TNN: variants seen among roughly 807,000 people sequenced by gnomAD.
TNN encodes the protein tenascin-N.
In TNN, 122 loss-of-function variants were observed where a neutral mutation model predicts 134.4. That is an observed-to-expected ratio of 0.91 (90% CI 0.78 to 1.06). The LOEUF is 1.06. Ranked by LOEUF, TNN falls within the 50% of genes least tolerant of loss-of-function variation. The pLI, the probability that TNN is intolerant of heterozygous loss-of-function variation, is 0.00. For missense variants in TNN, 1,739 were observed against 1,699.4 expected, an observed-to-expected ratio of 1.02 and a Z score of -0.41; for synonymous variants, 710 against 670.3, an observed-to-expected ratio of 1.06 and a Z score of -0.91.
chr1:175,079,935 C>G (rs1381354548), intron 3 of TNN, among the ~76,000 whole-genome samples: 2 of 150,944 alleles, frequency 1.3e-5, no homozygotes, highest in Non-Finnish European at 2.9e-5. Context: ...ACCTTGAGGA[C>G]CACTGGTCTT....
rs180918417 is a variant in TNN, at chr1:175,084,713, T to A, written c.1235-692T>A. 2.4e-3 allele frequency among the ~76,000 whole-genome samples: 366 copies of A among 152,336 alleles called. 3 individuals carry two copies. The highest frequency in any genetic ancestry group is 8.5e-3 in the African/African-American group (355 of 41,574). On this transcript the variant is annotated intron_variant, in intron 5 of 18. Transcript: ENST00000239462. Reference sequence around the variant, plus strand: ...TTTGGGGTTCTTAGTGTTTGTGGAGTGCAGAATGAGGGTGTGTGCCTCACA... The same window carrying A: ...TTTGGGGTTCTTAGTGTTTGTGGAGAGCAGAATGAGGGTGTGTGCCTCACA...
chr1:175,087,802 A>G, intron 6 of TNN, among the ~76,000 whole-genome samples: 1 of 152,252 alleles, frequency 6.6e-6, no homozygotes, highest in South Asian at 2.1e-4. Context: ...TCCCCAGGTT[A>G]GGACCTGTAC....
Position 175,097,554 on chromosome 1 carries a change from G to T in TNN, c.1726G>T (p.Val576Phe). 3 of 1,614,232 alleles carry T rather than the reference G, an allele frequency of 1.9e-6. No homozygotes were observed. Among genetic ancestry groups the T allele is most frequent in the African/African-American group, 2.7e-5 (2 of 75,058 alleles). Residue 576 changes from valine (V) to phenylalanine (F), a missense_variant, in exon 8 of 19, where the codon GTT becomes TTT. Val to Phe is a conservative substitution (Grantham distance 50, BLOSUM62 -1). Transcript: ENST00000239462. ...TGCTGACGACCAAGAGACCAGAGAG[G>T]TTCTGGTGGGGAAGGAGCAGAGCAG... is the stretch of plus-strand genomic sequence containing the variant. ...TSADDQETRE[V>F]LVGKEQSSTV... is the part of the protein sequence containing the mutation.
intron 9 of TNN, among the ~76,000 whole-genome samples, chr1:175,109,161 T>C (rs1674953389): frequency 7.8e-6 from 1 of 128,980 alleles, no homozygotes; most frequent in Admixed American, 8.7e-5. Context: ...CAATCTCGGC[T>C]CACTGCAAGC....
intron 16 of TNN, 109 bp from the exon 17 acceptor site, chr1:175,136,712 G>GCT (rs1675820108): frequency 9.8e-7 from 1 of 1,017,098 alleles, no homozygotes; most frequent in African/African-American, 1.6e-5. Flanking sequence ...TAGCAGAGAA[G>GCT]GTAAAGACTA....
chr1:175,139,304 T>C (rs764044915), intron 17 of TNN, among the ~76,000 whole-genome samples: 5 of 152,262 alleles, frequency 3.3e-5, no homozygotes, highest in Non-Finnish European at 5.9e-5. Flanking sequence ...CATAAGCACA[T>C]TGTGCAGCTG....
intron 6 of TNN, among the ~76,000 whole-genome samples, chr1:175,090,652 A>G (rs576419322): frequency 1.9e-4 from 29 of 152,116 alleles, no homozygotes; most frequent in Non-Finnish European, 3.7e-4. Context: ...TCCCTACCCA[A>G]CTCTGTGGCA....
chr1:175,089,927 C>T lies in TNN; in HGVS notation c.1325-4063C>T, dbSNP rs1674403809. The stretch of plus-strand genomic sequence containing the variant: ...AAAACTTTGGAAACTCCTTCATGTC[C>T]TAGGCTGAGCTCCTGTCACCATTGA... On this transcript the variant is annotated intron_variant, in intron 6 of 18. Transcript: ENST00000239462. Among the ~76,000 whole-genome samples, 4 of 152,140 alleles carry T rather than the reference C, an allele frequency of 2.6e-5. No homozygotes were observed. In the South Asian group the frequency reaches 8.3e-4, roughly 32 times the overall value.
chr1:175,092,629 T>G lies in TNN; in HGVS notation c.1325-1361T>G, dbSNP rs998895715. On this transcript the variant is annotated intron_variant, in intron 6 of 18. Coordinates refer to ENST00000239462, the MANE Select transcript of TNN (RefSeq NM_022093.2). ...AGGACATAGACATATAAAGTGGAAA[T>G]GTATAGTCTTTGTTAGATAAGAATG... 2.0e-4 allele frequency among the ~76,000 whole-genome samples: 30 copies of G among 152,298 alleles called. No individual in the cohort carries two copies. In the South Asian group the frequency reaches 2.9e-3, roughly 15 times the overall value.
rs778758833 is a variant in TNN, at chr1:175,077,663, A to C, written c.245A>C (p.Gln82Pro). The change falls in exon 2 of 19, where the codon CAG becomes CCG. Residue 82 changes from glutamine (Q) to proline (P), a missense_variant. Gln to Pro is a moderately conservative substitution (Grantham distance 76, BLOSUM62 -1). Transcript: ENST00000239462. ...GCCCTGGGGGAGGCCAGGGAGGAAC[A>C]GAACATCATCTTCAGGCACAACATC... ...LLALGEAREE[Q>P]NIIFRHNIRL... The C allele has an allele frequency of 6.2e-7, 1 of 1,614,228 alleles. No individual in the cohort carries two copies. The highest frequency in any genetic ancestry group is 8.5e-7 in the Non-Finnish European group (1 of 1,180,040).
chr1:175,114,549 A>C (rs528003433), intron 9 of TNN, among the ~76,000 whole-genome samples: 12 of 152,316 alleles, frequency 7.9e-5, no homozygotes, highest in Non-Finnish European at 1.8e-4. Context: ...ACTGTGGGGC[A>C]AGGTCTTACT....
chr1:175,136,862 C>T lies in TNN; in HGVS notation c.3469C>T (p.Arg1157Trp), dbSNP rs199796461. Residue 1157 changes from arginine (R) to tryptophan (W), a missense_variant, in exon 17 of 19, where the codon CGG (arginine) becomes TGG (tryptophan). Coordinates refer to ENST00000239462, the MANE Select transcript of TNN (RefSeq NM_022093.2). ...LHNLTTGTPARYEVRVDLQTA... is the reference protein window; with the variant it reads ...LHNLTTGTPAWYEVRVDLQTA... ...CAACCTCACCACCGGCACTCCAGCG[C>T]GGTATGAGGTGAGAGTGGATTTACA... The T allele has an allele frequency of 1.4e-4, 226 of 1,613,948 alleles. No individual in the cohort carries two copies. The highest frequency in any genetic ancestry group is 1.6e-4 in the Middle Eastern group (1 of 6,084).
chr1:175,085,296 A>C, intron 5 of TNN, 109 bp from the exon 6 acceptor site: 1 of 703,868 alleles, frequency 1.4e-6, no homozygotes, highest in South Asian at 1.7e-5. Context: ...TTGGAGGAGG[A>C]AGCATCACCT....
intron 9 of TNN, among the ~76,000 whole-genome samples, chr1:175,111,789 T>TC (rs59510204): frequency 6.6e-6 from 1 of 150,922 alleles, no homozygotes; most frequent in African/African-American, 2.4e-5. Flanking sequence ...TTTTTTTTTT[T>TC]ATGCTAGTTC....
At chr1:175,104,447 G>A (rs1319733630) in intron 9 of TNN, among the ~76,000 whole-genome samples, 1 of 145,854 alleles carries the variant, frequency 6.9e-6, no homozygotes, top group Non-Finnish European at 1.5e-5. Context: ...ACACGGATGA[G>A]GGGGCAGCTT....
intron 9 of TNN, among the ~76,000 whole-genome samples, chr1:175,110,824 T>G (rs1173401132): frequency 6.6e-6 from 1 of 152,236 alleles, no homozygotes; most frequent in African/African-American, 2.4e-5. Flanking sequence ...TTGTTATTTT[T>G]GCTCAGGATT....
In TNN at chr1:175,110,234, A is replaced by G. The variant is rs189195678; in HGVS notation, c.2120-6705A>G. 2.3e-3 allele frequency among the ~76,000 whole-genome samples: 351 copies of G among 152,292 alleles called. 1 individual carries two copies. Among genetic ancestry groups the G allele is most frequent in the African/African-American group, 8.1e-3 (337 of 41,568 alleles). ...TGATGATTGTTATTATTATTTTGCT[A>G]TTGAGTTTGAACTCCTTATGTATTC... is the stretch of plus-strand genomic sequence containing the variant. On this transcript the variant is annotated intron_variant, in intron 9 of 18. Transcript: ENST00000239462.
chr1:175,104,421 TG>T (rs1031201191), intron 9 of TNN, among the ~76,000 whole-genome samples: 1 of 145,832 alleles, frequency 6.9e-6, no homozygotes, highest in Non-Finnish European at 1.5e-5. Flanking sequence ...TTCCAGTGAT[TG>T]CCTCGGCATA....
At chr1:175,070,544 G>C (rs1054796153) in intron 1 of TNN, among the ~76,000 whole-genome samples, 2 of 152,192 alleles carry the variant, frequency 1.3e-5, no homozygotes, top group East Asian at 3.8e-4. Flanking sequence ...GGGGGACAGA[G>C]TGATACCCAG....
Sources: gnomAD v4.1 joint callset for allele counts (sites outside exome capture counted in the v4.1 genomes callset) on GRCh38, gnomAD v4.1.1 for gene constraint, MANE v1.5 for transcripts, NCBI Gene and HGNC (gene_info 2026-07-23, HGNC 2026-07-21) for gene names.